The following HECW1 variants were observed in gnomAD, a reference collection of about 807,000 sequenced individuals.
HECW1 encodes E3 ubiquitin-protein ligase HECW1.
A neutral mutation model predicts 182.3 loss-of-function variants in HECW1; 61 were observed. The ratio of observed to expected loss-of-function variants is 0.33; its 90% CI spans 0.27 to 0.41. The LOEUF is 0.41. HECW1 is among the 10% of genes least tolerant of loss of function. The pLI is 1.00. For synonymous variants in HECW1, 859 were observed against 832.6 expected, an observed-to-expected ratio of 1.03 and a Z score of -0.55; for missense variants, 1,739 against 2,108.9, an observed-to-expected ratio of 0.82 and a Z score of 3.44.
chr7:43,414,571 A>G (rs902530158), intron 8 of HECW1, among the ~76,000 whole-genome samples: 1 of 150,878 alleles, frequency 6.6e-6, no homozygotes, highest in African/African-American at 2.5e-5. Flanking sequence ...TTGCCCATTC[A>G]GTATGATATT....
chr7:43,303,983 G>A (rs1216330792), intron 3 of HECW1, among the ~76,000 whole-genome samples: 2 of 152,192 alleles, frequency 1.3e-5, no homozygotes, highest in African/African-American at 4.8e-5. Context: ...CTTCTTATTT[G>A]ACAGGTGATG....
chr7:43,407,831 T>C, intron 8 of HECW1, 100 bp downstream of exon 8: 1 of 1,052,212 alleles, frequency 9.5e-7, no homozygotes, highest in Non-Finnish European at 1.4e-6. Context: ...CCCTGGACTC[T>C]GCTGCTCAAT....
chr7:43,211,786 A>T (rs545746177), intron 2 of HECW1, among the ~76,000 whole-genome samples: 58 of 152,310 alleles, frequency 3.8e-4, no homozygotes, highest in African/African-American at 1.3e-3. Flanking sequence ...AAATCAAGAC[A>T]TCATAAACCC....
chr7:43,300,380 A>C (rs977300411), intron 3 of HECW1, among the ~76,000 whole-genome samples: 4 of 152,160 alleles, frequency 2.6e-5, no homozygotes, highest in African/African-American at 9.7e-5. Flanking sequence ...GGGCAGAGTG[A>C]TGACAGGGAA....
intron 2 of HECW1, among the ~76,000 whole-genome samples, chr7:43,214,045 G>A (rs1485159548): frequency 6.6e-6 from 1 of 151,792 alleles, no homozygotes; most frequent in African/African-American, 2.4e-5. Flanking sequence ...TTCCCTACTG[G>A]TGGTGATTGT....
At chr7:43,221,541 T>G (rs918537148) in intron 2 of HECW1, among the ~76,000 whole-genome samples, 1 of 20,024 alleles carries the variant, frequency 5.0e-5, no homozygotes, top group East Asian at 8.4e-4. Flanking sequence ...AATTAGGTTT[T>G]TTTTTTTTTT....
chr7:43,490,704 G>A (rs2078895288), intron 17 of HECW1, among the ~76,000 whole-genome samples: 1 of 152,080 alleles, frequency 6.6e-6, no homozygotes, highest in Non-Finnish European at 1.5e-5. Context: ...TTTTACAAAG[G>A]TGATTTTTTT....
intron 24 of HECW1, among the ~76,000 whole-genome samples, chr7:43,513,996 A>G (rs571549117): frequency 6.6e-6 from 1 of 152,278 alleles, no homozygotes; most frequent in African/African-American, 2.4e-5. Context: ...CTCTCAATCA[A>G]CACTCTTCTT....
chr7:43,377,539 G>A (rs141542324), intron 6 of HECW1, among the ~76,000 whole-genome samples: 20 of 152,166 alleles, frequency 1.3e-4, no homozygotes, highest in African/African-American at 4.8e-4. Context: ...ATTAAGACAG[G>A]ACTGGTGCTT....
chr7:43,403,031 C>T (rs1303377582), intron 7 of HECW1, among the ~76,000 whole-genome samples: 1 of 152,160 alleles, frequency 6.6e-6, no homozygotes, highest in Admixed American at 6.5e-5. Flanking sequence ...GCTATATACT[C>T]TTAAGAATTG....
At chr7:43,287,057 G>A (rs1804734882) in intron 3 of HECW1, among the ~76,000 whole-genome samples, 1 of 152,120 alleles carries the variant, frequency 6.6e-6, no homozygotes, top group Non-Finnish European at 1.5e-5. Flanking sequence ...GTGGTGGGGA[G>A]GTACGTAGTA....
chr7:43,421,437 T>G (rs2076180404), intron 8 of HECW1, among the ~76,000 whole-genome samples: 1 of 152,174 alleles, frequency 6.6e-6, no homozygotes, highest in Admixed American at 6.5e-5. Flanking sequence ...AAAAGAATAA[T>G]TAATTGAATG....
intron 2 of HECW1, among the ~76,000 whole-genome samples, chr7:43,214,578 T>TGTG (rs1198463012): frequency 6.6e-6 from 1 of 152,134 alleles, no homozygotes; most frequent in African/African-American, 2.4e-5. Flanking sequence ...TTTATTGTTC[T>TGTG]GTGGTGGTGG....
intron 26 of HECW1, among the ~76,000 whole-genome samples, chr7:43,549,428 T>A (rs139305304): frequency 1.7e-3 from 259 of 152,382 alleles, no homozygotes; most frequent in African/African-American, 6.0e-3. Flanking sequence ...ATTTTTTTCT[T>A]TAAACCAGTA....
intron 3 of HECW1, among the ~76,000 whole-genome samples, chr7:43,251,020 T>C (rs563224699): frequency 8.5e-5 from 13 of 152,232 alleles, no homozygotes; most frequent in South Asian, 4.1e-4. Context: ...ATTCGTTACT[T>C]CTCCCAGGGC....
rs777261023 is a variant in HECW1, at chr7:43,444,812, C to T, written c.1640C>T (p.Ala547Val). The T allele has an allele frequency of 5.0e-6, 8 of 1,614,030 alleles. No individual in the cohort carries two copies. The highest frequency in any genetic ancestry group is 3.3e-5 in the Admixed American group (2 of 60,034). The change falls in exon 11 of 30, where the codon GCG becomes GTG. Residue 547 changes from alanine (A) to valine (V), a missense_variant. Ala to Val is a moderately conservative substitution (Grantham distance 64). Around this residue, in one of 5 missense-constraint regions of HECW1, gnomAD observed 971 missense variants for 1,029.1 expected, o/e 0.94. Transcript: ENST00000395891. The surrounding 1 kb of genome is among the most constrained non-coding windows in gnomAD (Gnocchi z 4.3). ...GTGTCCGAGCTGGAGACGGTGATCG[C>T]GTCAGCCTGCGGGGACCCCGAGACC... The part of the protein sequence containing the change: ...LPVSELETVI[A>V]SACGDPETPR...
chr7:43,539,448 G>A (rs1224439673), intron 24 of HECW1, among the ~76,000 whole-genome samples: 1 of 152,170 alleles, frequency 6.6e-6, no homozygotes, highest in East Asian at 1.9e-4. Flanking sequence ...TGGCACTGTG[G>A]TTATCGGTCT....
At chr7:43,260,029 T>TA (rs550439309) in intron 3 of HECW1, among the ~76,000 whole-genome samples, 139 of 152,222 alleles carry the variant, frequency 9.1e-4, no homozygotes, top group African/African-American at 3.2e-3. Context: ...GTCAAACTTC[T>TA]GAAAACCAAA....
intron 2 of HECW1, among the ~76,000 whole-genome samples, chr7:43,140,830 G>C (rs899288397): frequency 6.6e-6 from 1 of 152,160 alleles, no homozygotes; most frequent in East Asian, 1.9e-4. Context: ...CCTGGTGAGG[G>C]CTTGCTTTCT....
Sources: gnomAD v4.1 joint callset for allele counts (sites outside exome capture counted in the v4.1 genomes callset) on GRCh38, gnomAD v4.1.1 for gene constraint, gnomAD v4.1.1 regional missense constraint, Gnocchi (gnomAD v3.1) non-coding constraint, MANE v1.5 for transcripts, NCBI Gene and HGNC (gene_info 2026-07-23, HGNC 2026-07-21) for gene names.